The following RGS7 variants were observed in gnomAD, a reference collection of about 807,000 sequenced individuals.
RGS7 encodes the protein regulator of G-protein signaling 7.
A neutral mutation model predicts 81.1 loss-of-function variants in RGS7; 27 were observed. The observed-to-expected ratio is 0.33, with a 90% CI of 0.25 to 0.46. The LOEUF (loss-of-function observed/expected upper bound fraction) is 0.46, where lower values mean the gene tolerates loss of function less well. Among genes scored for constraint, RGS7 ranks in the 20% least tolerant of loss-of-function variants. RGS7 has a pLI of 1.00. For missense variants in RGS7, 396 were observed against 607.4 expected (o/e 0.65, Z 3.66); for synonymous variants, 208 against 207.7 (o/e 1.00, Z -0.01).
At position 241,014,067 on chromosome 1, in the gene RGS7, C is replaced by T. The variant is rs996226581; in HGVS notation, c.176-30938G>A. On this transcript the variant is annotated intron_variant, in intron 3 of 18. Coordinates refer to ENST00000440928, the MANE Select transcript of RGS7 (RefSeq NM_001364886.1). ...TGAGAAATGGTGGTGATGGTCAATTCCTGATAAAAGACTTTAAAACACTGT... is the reference window on the plus strand; with the variant it reads ...TGAGAAATGGTGGTGATGGTCAATTTCTGATAAAAGACTTTAAAACACTGT... Among the ~76,000 whole-genome samples the T allele has an allele frequency of 7.2e-5, 11 of 152,194 alleles. 1 individual carries two copies. The East Asian group carries it at 2.1e-3, about 29-fold the overall frequency.
chr1:241,308,402 G>T (rs551029120), intron 2 of RGS7, among the ~76,000 whole-genome samples: 2 of 152,290 alleles, frequency 1.3e-5, no homozygotes, highest in South Asian at 4.1e-4. Flanking sequence ...AAGCATGGGG[G>T]CAATTTTGTG....
chr1:241,282,919 T>G (rs1189435308), intron 2 of RGS7, among the ~76,000 whole-genome samples: 1 of 152,202 alleles, frequency 6.6e-6, no homozygotes, highest in Non-Finnish European at 1.5e-5. Flanking sequence ...ACCTCCTATC[T>G]GCTTATCATT....
intron 2 of RGS7, among the ~76,000 whole-genome samples, chr1:241,268,389 A>G (rs1031079966): frequency 4.6e-5 from 7 of 152,168 alleles, no homozygotes; most frequent in African/African-American, 1.7e-4. Flanking sequence ...TAGGACGTTT[A>G]GCAGATCTCT....
chr1:240,965,025 T>C lies in RGS7; in HGVS notation c.226+18054A>G, dbSNP rs565594827. Among the ~76,000 whole-genome samples, 139 of 152,334 alleles carry C rather than the reference T, an allele frequency of 9.1e-4. 1 individual carries two copies. The highest frequency in any genetic ancestry group is 3.2e-3 in the African/African-American group (133 of 41,584). On this transcript the variant is annotated intron_variant, in intron 4 of 18. Transcript: ENST00000440928. ...GATACGTTGATGGTGACTAATTAGA[T>C]GTTTCAACTTCAAACAAGTTAATGT... is the stretch of plus-strand genomic sequence containing the variant.
intron 2 of RGS7, among the ~76,000 whole-genome samples, chr1:241,184,436 A>G (rs2071914690): frequency 6.6e-6 from 1 of 152,200 alleles, no homozygotes; most frequent in Non-Finnish European, 1.5e-5. Context: ...AAGGCATCTC[A>G]TAGGTAATGA....
At chr1:240,862,532 C>G (rs914607254) in intron 9 of RGS7, among the ~76,000 whole-genome samples, 1 of 151,944 alleles carries the variant, frequency 6.6e-6, no homozygotes, top group Non-Finnish European at 1.5e-5. Context: ...GAATTAAAAG[C>G]TTTAGAAGGA....
intron 3 of RGS7, among the ~76,000 whole-genome samples, chr1:241,086,398 GC>G (rs1282241678): frequency 1.3e-5 from 2 of 151,906 alleles, no homozygotes; most frequent in African/African-American, 2.4e-5. Flanking sequence ...TAACTCACCT[GC>G]CCCCCTCACT....
At chr1:240,858,716 G>A (rs1235586813) in intron 9 of RGS7, among the ~76,000 whole-genome samples, 2 of 152,090 alleles carry the variant, frequency 1.3e-5, no homozygotes, top group Non-Finnish European at 2.9e-5. Context: ...TTTTAATGAA[G>A]TCTAATTCAT....
chr1:241,179,345 C>T (rs1426733490), intron 2 of RGS7, among the ~76,000 whole-genome samples: 4 of 152,124 alleles, frequency 2.6e-5, no homozygotes, highest in South Asian at 2.1e-4. Flanking sequence ...GTGATCCTTC[C>T]GCCTCGGCCC....
intron 2 of RGS7, among the ~76,000 whole-genome samples, chr1:241,208,695 A>T (rs1573139040): frequency 6.6e-6 from 1 of 152,176 alleles, no homozygotes; most frequent in East Asian, 1.9e-4. Context: ...GAGTCCAAAC[A>T]TCCTCGGCAA....
At chr1:241,277,435 T>C (rs10926451) in intron 2 of RGS7, among the ~76,000 whole-genome samples, 62,699 of 151,688 alleles carry the variant, frequency 0.41, 13,456 homozygotes, top group East Asian at 0.56. Flanking sequence ...CTGGCTAACA[T>C]GGTGAAACCC....
At position 241,271,531 on chromosome 1, in the gene RGS7, G is replaced by C. The variant is rs923343297; in HGVS notation, c.78+84168C>G. 2.0e-5 allele frequency among the ~76,000 whole-genome samples: 3 copies of C among 152,178 alleles called. No individual in the cohort carries two copies. The highest frequency in any genetic ancestry group is 7.2e-5 in the African/African-American group (3 of 41,436). ...CTTGACTGTTTCACAGGAGTGCCCA[G>C]GTATCTGGTTAAACATTATTTTTGG... is the stretch of plus-strand genomic sequence containing the variant. On this transcript the variant is annotated intron_variant, in intron 2 of 18. Coordinates refer to ENST00000440928, the MANE Select transcript of RGS7 (RefSeq NM_001364886.1). The surrounding 1 kb of genome is among the most constrained non-coding windows in gnomAD (Gnocchi z 4.6).
In RGS7 at chr1:240,800,656, G is replaced by A; in HGVS notation, c.1479C>T (p.Asn493=). The A allele has an allele frequency of 6.5e-7, 1 of 1,544,964 alleles. No individual in the cohort carries two copies. The highest frequency in any genetic ancestry group is 1.2e-5 in the South Asian group (1 of 83,714). The change falls in exon 18 of 19, where the codon AAC becomes AAT. Residue 493 remains asparagine, a synonymous_variant. Coordinates refer to ENST00000440928, the MANE Select transcript of RGS7 (RefSeq NM_001364886.1). The part of the protein sequence containing the change: ...NCTPTLRAST[N]LL ...ATTTTTCTACCTCTTTTCATAACAG[G>A]TTAGTGCTGGCCCTCAGTGTTGGTG...
chr1:241,240,551 C>T (rs534083106), intron 2 of RGS7, among the ~76,000 whole-genome samples: 2 of 152,210 alleles, frequency 1.3e-5, no homozygotes, highest in East Asian at 3.9e-4. Context: ...AGGTAGTGAA[C>T]GTGTAAAAGA....
intron 2 of RGS7, among the ~76,000 whole-genome samples, chr1:241,224,155 G>A: frequency 6.6e-6 from 1 of 151,440 alleles, no homozygotes; most frequent in Middle Eastern, 3.2e-3. Context: ...ATGCAGTTTT[G>A]TTACATAGTT....
At chr1:241,094,529 AT>A (rs1449715965) in intron 3 of RGS7, among the ~76,000 whole-genome samples, 1 of 152,188 alleles carries the variant, frequency 6.6e-6, no homozygotes, top group Non-Finnish European at 1.5e-5. Context: ...AGGAAATGGC[AT>A]AGAGGAATTA....
chr1:240,932,809 A>G (rs1209000588), intron 5 of RGS7, among the ~76,000 whole-genome samples: 2 of 146,932 alleles, frequency 1.4e-5, no homozygotes, highest in East Asian at 4.2e-4. Context: ...TGCCCGGCCT[A>G]AAAACGATTT....
chr1:240,945,082 C>G (rs898876859), intron 4 of RGS7, among the ~76,000 whole-genome samples: 14 of 152,344 alleles, frequency 9.2e-5, no homozygotes, highest in African/African-American at 3.4e-4. Flanking sequence ...AGTTCTGAGT[C>G]CATGACAAGA....
At chr1:241,274,400 G>A (rs1558262680) in intron 2 of RGS7, among the ~76,000 whole-genome samples, 3 of 152,168 alleles carry the variant, frequency 2.0e-5, no homozygotes, top group Admixed American at 2.0e-4. Flanking sequence ...AGAATTTTTT[G>A]AAGAGGCAAA....
Sources: gnomAD v4.1 joint callset for allele counts (sites outside exome capture counted in the v4.1 genomes callset) on GRCh38, gnomAD v4.1.1 for gene constraint, Gnocchi (gnomAD v3.1) non-coding constraint, MANE v1.5 for transcripts, NCBI Gene and HGNC (gene_info 2026-07-23, HGNC 2026-07-21) for gene names.